Variants in FER observed in about 807,000 individuals in gnomAD.
FER encodes tyrosine-protein kinase Fer.
A neutral mutation model predicts 111.0 loss-of-function variants in FER; 63 were observed. That is an observed-to-expected ratio of 0.57 (90% CI 0.46 to 0.70). The LOEUF (loss-of-function observed/expected upper bound fraction) is 0.70. FER is among the 30% of genes least tolerant of loss of function. The pLI is 0.00. For missense variants in FER, 914 were observed against 954.0 expected (o/e 0.96, Z 0.55); for synonymous variants, 327 against 313.9 (o/e 1.04, Z -0.44).
intron 10 of FER, among the ~76,000 whole-genome samples, chr5:108,928,363 A>C (rs929441649): frequency 2.0e-5 from 3 of 152,198 alleles, no homozygotes; most frequent in Non-Finnish European, 4.4e-5. Flanking sequence ...ACTGCTGCCA[A>C]TTGGCAATCA....
chr5:108,874,586 T>A (rs1363484817), intron 8 of FER, among the ~76,000 whole-genome samples: 3 of 152,082 alleles, frequency 2.0e-5, no homozygotes, highest in Admixed American at 2.0e-4. Flanking sequence ...ATTTTTTTAA[T>A]GTAATATAAG....
At chr5:108,758,083 T>A (rs1476769260) in intron 1 of FER, among the ~76,000 whole-genome samples, 1 of 152,154 alleles carries the variant, frequency 6.6e-6, no homozygotes, top group East Asian at 1.9e-4. Flanking sequence ...ATAAAAATAA[T>A]GTAGAAATGT....
chr5:108,798,031 T>A (rs1756233608), intron 2 of FER, 93 bp from the exon 3 acceptor site: 2 of 516,704 alleles, frequency 3.9e-6, no homozygotes, highest in Admixed American at 3.7e-5. Flanking sequence ...TTTTTTTTTT[T>A]AACCCCAAAG....
intron 13 of FER, among the ~76,000 whole-genome samples, chr5:108,991,863 CT>C (rs78556057): frequency 0.37 from 54,696 of 145,890 alleles, 11,338 homozygotes; most frequent in African/African-American, 0.58. Context: ...TTTGTATTTT[CT>C]TTTTTTTTTT....
At chr5:108,909,356 G>A (rs933060473) in intron 10 of FER, among the ~76,000 whole-genome samples, 1 of 151,838 alleles carries the variant, frequency 6.6e-6, no homozygotes, top group Non-Finnish European at 1.5e-5. Flanking sequence ...TTAAATCATC[G>A]GTTTACTTCG....
chr5:109,174,587 T>C (rs1325480945), intron 17 of FER, among the ~76,000 whole-genome samples: 1 of 152,228 alleles, frequency 6.6e-6, no homozygotes, highest in Non-Finnish European at 1.5e-5. Context: ...CCTACTGTCC[T>C]TCATCAGGAC....
intron 16 of FER, among the ~76,000 whole-genome samples, chr5:109,080,370 G>C (rs931580096): frequency 6.6e-6 from 1 of 152,064 alleles, no homozygotes; most frequent in Non-Finnish European, 1.5e-5. Context: ...CCATGTGAGT[G>C]AATGTGGAAA....
chr5:109,122,108 T>G (rs1000462285), intron 17 of FER, among the ~76,000 whole-genome samples: 2 of 152,106 alleles, frequency 1.3e-5, no homozygotes, highest in African/African-American at 4.8e-5. Context: ...ATATTTCTTC[T>G]TATTTTGGTT....
At chr5:108,969,867 A>G (rs1265454847) in intron 13 of FER, among the ~76,000 whole-genome samples, 2 of 148,192 alleles carry the variant, frequency 1.3e-5, no homozygotes, top group Non-Finnish European at 2.9e-5. Context: ...TTGGAAGGCT[A>G]TATTCCAGGA....
At chr5:109,104,040 C>T (rs1020046083) in intron 17 of FER, among the ~76,000 whole-genome samples, 7 of 152,078 alleles carry the variant, frequency 4.6e-5, no homozygotes, top group Non-Finnish European at 8.8e-5. Context: ...TTCTTAATTT[C>T]GTATGTCATT....
At chr5:108,957,404 A>G (rs1338104480) in intron 12 of FER, among the ~76,000 whole-genome samples, 4 of 151,690 alleles carry the variant, frequency 2.6e-5, no homozygotes, top group Non-Finnish European at 5.9e-5. Flanking sequence ...ACAATAAAAC[A>G]TCATTTTATC....
At chr5:109,170,542 A>G (rs972839687) in intron 17 of FER, among the ~76,000 whole-genome samples, 2 of 152,134 alleles carry the variant, frequency 1.3e-5, no homozygotes, top group African/African-American at 4.8e-5. Flanking sequence ...TCCATATACA[A>G]AGACATCTAT....
intron 8 of FER, among the ~76,000 whole-genome samples, chr5:108,880,959 C>G (rs952247233): frequency 1.5e-4 from 23 of 151,874 alleles, no homozygotes; most frequent in Admixed American, 1.3e-3. Context: ...TTTCTATTAC[C>G]TATTATTTAA....
At chr5:108,963,776 C>A (rs529240721) in intron 13 of FER, among the ~76,000 whole-genome samples, 1 of 152,112 alleles carries the variant, frequency 6.6e-6, no homozygotes, top group Non-Finnish European at 1.5e-5. Context: ...AGGTTCATGG[C>A]AGCAACATTC....
intron 16 of FER, among the ~76,000 whole-genome samples, chr5:109,078,040 A>G (rs1016004909): frequency 6.6e-6 from 1 of 152,204 alleles, no homozygotes; most frequent in East Asian, 1.9e-4. Flanking sequence ...TAGTGTCAGC[A>G]ATCACCAGTA....
At chr5:109,185,385 G>A (rs985085899) in intron 18 of FER, among the ~76,000 whole-genome samples, 2 of 152,128 alleles carry the variant, frequency 1.3e-5, no homozygotes, top group African/African-American at 4.8e-5. Flanking sequence ...AGACCTTTAA[G>A]CATGTAAGAA....
chr5:108,860,247 A>AT (rs111373307), intron 5 of FER, among the ~76,000 whole-genome samples: 29,872 of 150,686 alleles, frequency 0.2, 3,058 homozygotes, highest in African/African-American at 0.25. Flanking sequence ...GGCCATACCT[A>AT]TTTTTGTTTT....
At chr5:109,088,365 T>C (rs539645091) in intron 16 of FER, among the ~76,000 whole-genome samples, 1 of 152,258 alleles carries the variant, frequency 6.6e-6, no homozygotes, top group South Asian at 2.1e-4. Context: ...TTTAAGGTAC[T>C]AAATTATTTA....
chr5:108,900,729 C>G (rs1166839607), intron 10 of FER, among the ~76,000 whole-genome samples: 1 of 152,136 alleles, frequency 6.6e-6, no homozygotes, highest in East Asian at 1.9e-4. Flanking sequence ...CTTTAAGGAA[C>G]TGTACCATTG....
Sources: gnomAD v4.1 joint callset for allele counts (sites outside exome capture counted in the v4.1 genomes callset) on GRCh38, gnomAD v4.1.1 for gene constraint, MANE v1.5 for transcripts, NCBI Gene and HGNC (gene_info 2026-07-23, HGNC 2026-07-21) for gene names.